Variants in GARRE1 observed in about 807,000 individuals in gnomAD.
The protein encoded by GARRE1 is granule associated Rac and RHOG effector protein 1.
In GARRE1, 49 loss-of-function variants were observed where a neutral mutation model predicts 103.2. The ratio of observed to expected loss-of-function variants is 0.47; its 90% CI spans 0.38 to 0.60. The LOEUF is 0.60. GARRE1 is among the 20% of genes least tolerant of loss of function. The pLI is 0.00. For missense variants in GARRE1, 1,199 were observed against 1,370.5 expected, an observed-to-expected ratio of 0.87 and a Z score of 1.98; for synonymous variants, 505 against 532.8, an observed-to-expected ratio of 0.95 and a Z score of 0.72.
chr19:34,296,701 G>A (rs1176918232), intron 1 of GARRE1: 6 of 757,062 alleles, frequency 7.9e-6, no homozygotes, highest in South Asian at 3.1e-5. Context: ...TGCCATTTTC[G>A]GGACTGGTTG....
intron 1 of GARRE1, among the ~76,000 whole-genome samples, chr19:34,274,421 A>G (rs574189539): frequency 5.3e-5 from 8 of 152,282 alleles, no homozygotes; most frequent in East Asian, 1.9e-4. Flanking sequence ...GGCAGGAAGG[A>G]TAAGACTGTG....
intron 2 of GARRE1, among the ~76,000 whole-genome samples, chr19:34,312,219 G>A (rs1233842002): frequency 6.6e-6 from 1 of 152,144 alleles, no homozygotes; most frequent in Non-Finnish European, 1.5e-5. Context: ...GTCTAAATGA[G>A]GGATGATAGT....
At chr19:34,288,711 T>C (rs2073900704) in intron 1 of GARRE1, among the ~76,000 whole-genome samples, 1 of 152,206 alleles carries the variant, frequency 6.6e-6, no homozygotes, top group African/African-American at 2.4e-5. Context: ...GTGGGAAGTA[T>C]TAAAGAGTGG....
At chr19:34,333,556 T>G (rs897685017) in intron 7 of GARRE1, 148 bp from the exon 8 acceptor site, 10 of 591,008 alleles carry the variant, frequency 1.7e-5, no homozygotes, top group Middle Eastern at 4.4e-4. Flanking sequence ...TGCTGTTGTC[T>G]TCACGGGGCC....
intron 7 of GARRE1, among the ~76,000 whole-genome samples, chr19:34,333,002 C>T (rs1043191247): frequency 7.9e-5 from 12 of 152,146 alleles, no homozygotes; most frequent in Admixed American, 2.6e-4. Flanking sequence ...CACTTCTGGG[C>T]GTGTCATGAC....
chr19:34,312,649 G>C (rs963321102), intron 2 of GARRE1, among the ~76,000 whole-genome samples: 1 of 152,194 alleles, frequency 6.6e-6, no homozygotes, highest in Non-Finnish European at 1.5e-5. Flanking sequence ...GGCTGTGGCC[G>C]GGCGCGGTGG....
chr19:34,255,333 C>A (rs2073665250), intron 1 of GARRE1, among the ~76,000 whole-genome samples: 2 of 152,222 alleles, frequency 1.3e-5, no homozygotes, highest in South Asian at 4.1e-4. Context: ...TTTGTTTAGA[C>A]TTTTTAGAAA....
intron 1 of GARRE1, among the ~76,000 whole-genome samples, chr19:34,268,626 C>T (rs1359626448): frequency 6.6e-6 from 1 of 151,708 alleles, no homozygotes. Flanking sequence ...CCAAGTAATA[C>T]TGGATTTTTT....
At chr19:34,289,437 A>G (rs997026332) in intron 1 of GARRE1, among the ~76,000 whole-genome samples, 5 of 146,526 alleles carry the variant, frequency 3.4e-5, no homozygotes, top group African/African-American at 1.3e-4. Flanking sequence ...GCAAGATTCC[A>G]TCTCCAAGGC....
intron 2 of GARRE1, among the ~76,000 whole-genome samples, chr19:34,301,849 AT>A (rs932683659): frequency 1.1e-4 from 16 of 150,832 alleles, no homozygotes; most frequent in Non-Finnish European, 2.1e-4. Flanking sequence ...CACCCGGCTA[AT>A]TTTTTCGTAT....
chr19:34,287,215 A>G (rs760241421), intron 1 of GARRE1, among the ~76,000 whole-genome samples: 22 of 152,084 alleles, frequency 1.4e-4, no homozygotes, highest in Admixed American at 7.9e-4. Context: ...CATCCCAGTA[A>G]TCAGTATTTA....
chr19:34,316,410 C>T lies in GARRE1; in HGVS notation c.496-3497C>T, dbSNP rs546931694. Among the ~76,000 whole-genome samples, 4 of 152,302 alleles carry T rather than the reference C, an allele frequency of 2.6e-5. No homozygotes were observed. The South Asian group carries it at 8.3e-4, about 32-fold the overall frequency. On this transcript the variant is annotated intron_variant, in intron 2 of 13. Transcript: ENST00000299505. ...TCCATGTGAAGGAGAAAATAGCTTT[C>T]CACAGCCCTGGGGTCACACTCTCCC...
In GARRE1 at chr19:34,270,478, G is replaced by T. The variant is rs570887246; in HGVS notation, c.-796+15864G>T. ...GCTTGAGGGAAGGTTAAGTTGAAGG[G>T]ACAGGCCCTGTTGCAGGTAAGGATA... On this transcript the variant is annotated intron_variant, in intron 1 of 13. Coordinates refer to ENST00000299505, the MANE Select transcript of GARRE1 (RefSeq NM_014686.5). 2.0e-4 allele frequency among the ~76,000 whole-genome samples: 31 copies of T among 152,290 alleles called. No homozygotes were observed. In the South Asian group the frequency reaches 5.6e-3, roughly 27 times the overall value.
intron 1 of GARRE1, among the ~76,000 whole-genome samples, chr19:34,278,341 G>T (rs1022584506): frequency 2.0e-5 from 3 of 150,816 alleles, no homozygotes; most frequent in African/African-American, 7.3e-5. Flanking sequence ...CTACTTGGGA[G>T]GCTGAGGCAC....
chr19:34,283,699 G>A (rs988010335), intron 1 of GARRE1, among the ~76,000 whole-genome samples: 2 of 151,980 alleles, frequency 1.3e-5, no homozygotes, highest in Non-Finnish European at 2.9e-5. Flanking sequence ...CACTTCAATC[G>A]TCTTATCTTT....
At chr19:34,299,383 A>C (rs112206950) in intron 1 of GARRE1, among the ~76,000 whole-genome samples, 312 of 152,324 alleles carry the variant, frequency 2.0e-3, no homozygotes, top group African/African-American at 7.3e-3. Context: ...TCAAAGAGGA[A>C]AGGAGAAAAT....
chr19:34,302,292 GT>G (rs397786603), intron 2 of GARRE1, among the ~76,000 whole-genome samples: 1 of 92,048 alleles, frequency 1.1e-5, no homozygotes, highest in Non-Finnish European at 1.9e-5. Flanking sequence ...GCGCCCAGCC[GT>G]TTTTTTTTTT....
intron 2 of GARRE1, among the ~76,000 whole-genome samples, chr19:34,319,277 G>A (rs777610368): frequency 1.3e-5 from 2 of 152,124 alleles, no homozygotes; most frequent in Non-Finnish European, 2.9e-5. Flanking sequence ...ACCAATCACT[G>A]ATATATATCA....
At chr19:34,318,446 T>TGG (rs2074069949) in intron 2 of GARRE1, among the ~76,000 whole-genome samples, 1 of 152,218 alleles carries the variant, frequency 6.6e-6, no homozygotes, top group Non-Finnish European at 1.5e-5. Context: ...CGTGAGGCAG[T>TGG]GGGCTGAGGG....
Sources: allele counts gnomAD v4.1 joint callset (sites outside exome capture counted in the v4.1 genomes callset), GRCh38; gene constraint gnomAD v4.1.1; transcripts MANE v1.5; gene names NCBI Gene and HGNC (gene_info 2026-07-23, HGNC 2026-07-21).